SMIM8: variants seen among roughly 807,000 people sequenced by gnomAD.
The protein encoded by SMIM8 is small integral membrane protein 8, also known as UPF0708 protein C6orf162.
Under a neutral mutation model 8.1 loss-of-function variants are expected in SMIM8, and 8 were observed. The observed-to-expected ratio is 0.99, with a 90% CI of 0.58 to 1.78. The LOEUF (loss-of-function observed/expected upper bound fraction) is 1.78. Ranked by LOEUF, SMIM8 falls within the 40% of genes most tolerant of loss-of-function variation. The pLI is 0.00. For synonymous variants in SMIM8, 45 were observed against 39.7 expected (o/e 1.13, Z -0.50); for missense variants, 126 against 119.8 (o/e 1.05, Z -0.24).
intron 2 of SMIM8, among the ~76,000 whole-genome samples, chr6:87,332,319 C>CATATATATATATATATATATATATA (rs1562223234): frequency 1.2e-4 from 12 of 97,308 alleles, no homozygotes; most frequent in African/African-American, 5.6e-4. Flanking sequence ...TCCTCCCCCC[C>CATATATATATATATATATATATATA]CATATATGTA....
At chr6:87,331,285 G>A (rs1274101721) in intron 2 of SMIM8, among the ~76,000 whole-genome samples, 20 of 152,228 alleles carry the variant, frequency 1.3e-4, no homozygotes, top group Admixed American at 1.3e-3. Context: ...GAGTGGTAAT[G>A]TCAGAGTAAG....
At chr6:87,335,563 T>A (rs1312598402) in intron 2 of SMIM8, among the ~76,000 whole-genome samples, 1 of 152,168 alleles carries the variant, frequency 6.6e-6, no homozygotes, top group East Asian at 1.9e-4. Flanking sequence ...GCATACCCAA[T>A]TAAATGATAT....
chr6:87,338,954 A>T (rs1367445740), intron 3 of SMIM8, among the ~76,000 whole-genome samples: 11 of 143,022 alleles, frequency 7.7e-5, no homozygotes, highest in Non-Finnish European at 1.5e-4. Flanking sequence ...CATGTCTGCA[A>T]TCCCAGTACT....
chr6:87,335,210 A>T (rs560100724), intron 2 of SMIM8, among the ~76,000 whole-genome samples: 15 of 152,354 alleles, frequency 9.8e-5, no homozygotes, highest in African/African-American at 3.4e-4. Context: ...TCCTCCTGTA[A>T]GAAGACTGCA....
At chr6:87,334,477 T>G (rs1171462447) in intron 2 of SMIM8, among the ~76,000 whole-genome samples, 1 of 151,756 alleles carries the variant, frequency 6.6e-6, no homozygotes, top group Non-Finnish European at 1.5e-5. Flanking sequence ...GGATACAGGG[T>G]CCAGCTGTAT....
chr6:87,323,457 A>G (rs1385583331), intron 1 of SMIM8, among the ~76,000 whole-genome samples: 1 of 118,838 alleles, frequency 8.4e-6, no homozygotes, highest in Admixed American at 1.1e-4. Context: ...TCAGAGTGTG[A>G]TGTTCCCCTT....
Position 87,340,745 on chromosome 6 carries a change from A to G in SMIM8, c.*471A>G, listed in dbSNP as rs764232993. 2 of 152,620 alleles carry G rather than the reference A, an allele frequency of 1.3e-5. No homozygotes were observed. Among genetic ancestry groups the G allele is most frequent in the Non-Finnish European group, 2.9e-5 (2 of 68,354 alleles). The allele number at this position is 152,620 out of a possible 1,614,324, so 9.5% of individuals were successfully genotyped here. A position where few individuals can be genotyped will look rare whatever the true frequency, so the allele number is the denominator to read the frequency against. On this transcript the variant is annotated 3_prime_UTR_variant, in exon 4 of 4. Transcript: ENST00000392863. ...ATAGAAATTTTAAGGCCTGAAGTCA[A>G]TATTAAAAATATGAGATATGAGAAA...
intron 1 of SMIM8, among the ~76,000 whole-genome samples, chr6:87,328,439 G>A (rs897953560): frequency 3.0e-4 from 46 of 151,942 alleles, no homozygotes; most frequent in Non-Finnish European, 5.9e-4. Flanking sequence ...TGGTGTGGAT[G>A]TCCTTTCTGT....
intron 3 of SMIM8, among the ~76,000 whole-genome samples, chr6:87,339,758 G>A (rs1777181487): frequency 6.6e-6 from 1 of 152,170 alleles, no homozygotes; most frequent in Non-Finnish European, 1.5e-5. Flanking sequence ...GACCCAGGAA[G>A]TTAAGCAGCT....
intron 1 of SMIM8, among the ~76,000 whole-genome samples, chr6:87,329,512 TGATCCTGACCTCAAGC>T (rs1409421572): frequency 7.5e-6 from 1 of 132,914 alleles, no homozygotes; most frequent in African/African-American, 3.6e-5. Context: ...TGACCTCAAG[TGATCCTGACCTCAAGC>T]AATCTACCCG....
At chr6:87,333,642 C>T (rs1032918968) in intron 2 of SMIM8, among the ~76,000 whole-genome samples, 4 of 152,158 alleles carry the variant, frequency 2.6e-5, no homozygotes, top group Non-Finnish European at 5.9e-5. Flanking sequence ...AATTTAACAC[C>T]ACTACCCCAA....
intron 1 of SMIM8, among the ~76,000 whole-genome samples, chr6:87,324,050 G>T (rs12208198): frequency 0.62 from 91,078 of 146,882 alleles, 28,787 homozygotes; most frequent in African/African-American, 0.69. Context: ...TTTCATGTGT[G>T]TTTTGGCTGC....
intron 1 of SMIM8, among the ~76,000 whole-genome samples, chr6:87,324,770 T>C (rs1207766976): frequency 6.6e-6 from 1 of 152,180 alleles, no homozygotes; most frequent in Non-Finnish European, 1.5e-5. Context: ...TTTGGTTCCA[T>C]ATGAACTTTA....
At chr6:87,328,164 T>C (rs577563644) in intron 1 of SMIM8, among the ~76,000 whole-genome samples, 2 of 152,328 alleles carry the variant, frequency 1.3e-5, no homozygotes, top group South Asian at 4.1e-4. Context: ...TTCTAAACTT[T>C]TTTCAAAGTT....
At chr6:87,325,836 G>T (rs902749765) in intron 1 of SMIM8, among the ~76,000 whole-genome samples, 2 of 152,198 alleles carry the variant, frequency 1.3e-5, no homozygotes, top group African/African-American at 4.8e-5. Context: ...GTTTCAGAAG[G>T]AATGGTACCA....
rs1777200396 is a variant in SMIM8 at position 87,340,341 on chromosome 6, AGT to A, written c.*70_*71del. The A allele has an allele frequency of 1.4e-6, 2 of 1,413,682 alleles. No individual in the cohort carries two copies. Among genetic ancestry groups the A allele is most frequent in the Non-Finnish European group, 1.9e-6 (2 of 1,072,150 alleles). The allele number at this position is 1,413,682 out of a possible 1,614,324, so 87.6% of individuals were successfully genotyped here. A position where few individuals can be genotyped will look rare whatever the true frequency, so the allele number is the denominator to read the frequency against. Reference sequence around the variant, plus strand: ...AAATCTTCAAATGAAAGACCTTGTGAGTGTACAGTATCATGTTTCTTGTTCTA... The same window carrying A: ...AAATCTTCAAATGAAAGACCTTGTGAGTACAGTATCATGTTTCTTGTTCTA... On this transcript the variant is annotated 3_prime_UTR_variant, in exon 4 of 4. Coordinates refer to ENST00000392863, the MANE Select transcript of SMIM8 (RefSeq NM_001042493.3).
Position 87,329,653 on chromosome 6 carries a change from TA to T in SMIM8, c.-44-1035del, listed in dbSNP as rs1281015909. 2.6e-5 allele frequency among the ~76,000 whole-genome samples: 4 copies of T among 152,364 alleles called. No homozygotes were observed. The South Asian group carries it at 6.2e-4, about 24-fold the overall frequency. On this transcript the variant is annotated intron_variant, in intron 1 of 3. Coordinates refer to ENST00000392863, the MANE Select transcript of SMIM8 (RefSeq NM_001042493.3). Reference sequence around the variant, plus strand: ...AAACAACATATATATAATCAATTTTTAAAACTTAAGTGATTATAATTTTTTT... The same window carrying T: ...AAACAACATATATATAATCAATTTTTAAACTTAAGTGATTATAATTTTTTT...
intron 2 of SMIM8, 76 bp from the exon 3 acceptor site, chr6:87,336,933 T>G: frequency 8.0e-7 from 1 of 1,243,726 alleles, no homozygotes; most frequent in Non-Finnish European, 1.1e-6. Context: ...AAGAAGGAAT[T>G]TAAGAATTAC....
intron 1 of SMIM8, among the ~76,000 whole-genome samples, chr6:87,323,199 G>C (rs1273151800): frequency 1.3e-5 from 2 of 152,350 alleles, no homozygotes; most frequent in African/African-American, 4.8e-5. Context: ...GCTGTCGCCA[G>C]CAAAGCCTTT....
Sources: gnomAD v4.1 joint callset for allele counts (sites outside exome capture counted in the v4.1 genomes callset) on GRCh38, gnomAD v4.1.1 for gene constraint, MANE v1.5 for transcripts, NCBI Gene and HGNC (gene_info 2026-07-23, HGNC 2026-07-21) for gene names.